The following PDLIM5 variants were observed in gnomAD, a reference collection of about 807,000 sequenced individuals.
PDLIM5 encodes the protein PDZ and LIM domain 5.
Under a neutral mutation model 64.2 loss-of-function variants are expected in PDLIM5, and 34 were observed. That is an observed-to-expected ratio of 0.53 (90% CI 0.40 to 0.71). The LOEUF (loss-of-function observed/expected upper bound fraction) is 0.71, where lower values mean the gene tolerates loss of function less well. Among genes scored for constraint, PDLIM5 ranks in the 30% least tolerant of loss-of-function variants. The pLI, the probability that PDLIM5 is intolerant of heterozygous loss-of-function variation, is 0.00. For missense variants in PDLIM5, 683 were observed against 733.6 expected (o/e 0.93, Z 0.80); for synonymous variants, 253 against 269.1 (o/e 0.94, Z 0.59).
chr4:94,526,734 C>CTT (rs33968218), intron 3 of PDLIM5, among the ~76,000 whole-genome samples: 1,782 of 147,284 alleles, frequency 0.012, 44 homozygotes, highest in South Asian at 0.077. Context: ...GCATTTCTTT[C>CTT]TTTCTTTTTT....
chr4:94,475,705 T>C (rs115656662), intron 2 of PDLIM5, among the ~76,000 whole-genome samples: 2,374 of 152,278 alleles, frequency 0.016, 64 homozygotes, highest in African/African-American at 0.054. Context: ...AATATGAATA[T>C]ACTTAACATT....
chr4:94,649,116 C>T lies in PDLIM5; in HGVS notation c.1284-5344C>T, dbSNP rs568548912. Among the ~76,000 whole-genome samples, 32 of 152,146 alleles carry T rather than the reference C, an allele frequency of 2.1e-4. No individual in the cohort carries two copies. In the East Asian group the frequency reaches 2.9e-3, roughly 14 times the overall value. ...TCAGCCTCCCGAATAGCTAAGACCA[C>T]GGGCACGTGCCACCATGCCCAGCTA... On this transcript the variant is annotated intron_variant, in intron 9 of 12. Coordinates refer to ENST00000317968, the MANE Select transcript of PDLIM5 (RefSeq NM_006457.5).
Position 94,511,415 on chromosome 4 carries a change from C to T in PDLIM5, c.97-12309C>T, listed in dbSNP as rs1309369085. Among the ~76,000 whole-genome samples, 11 of 152,130 alleles carry T rather than the reference C, an allele frequency of 7.2e-5. No individual in the cohort carries two copies. In the South Asian group the frequency reaches 8.3e-4, roughly 12 times the overall value. ...GGCATGCAATGCATAATAATCACAT[C>T]GTGGAGAATCGGGTCTCCATCCCCT... On this transcript the variant is annotated intron_variant, in intron 2 of 12. Transcript: ENST00000317968.
intron 8 of PDLIM5, among the ~76,000 whole-genome samples, chr4:94,636,693 G>A (rs114158841): frequency 4.0e-5 from 6 of 151,726 alleles, no homozygotes; most frequent in African/African-American, 1.2e-4. Context: ...CCCACCACGC[G>A]CAGCTAATTT....
intron 7 of PDLIM5, among the ~76,000 whole-genome samples, chr4:94,606,254 A>G (rs903279880): frequency 6.6e-6 from 1 of 152,228 alleles, no homozygotes; most frequent in Non-Finnish European, 1.5e-5. Flanking sequence ...GGATTTAAAC[A>G]AATAACGACA....
intron 10 of PDLIM5, 116 bp from the exon 11 acceptor site, chr4:94,657,311 A>G: frequency 1.6e-6 from 1 of 629,862 alleles, no homozygotes. Context: ...AAAATGAAGT[A>G]TGTGTGCCTA....
chr4:94,664,461 A>T lies in PDLIM5; in HGVS notation c.*394A>T. Reference sequence around the variant, plus strand: ...CTGCAAAAGGCAATGAAAATGCCTTAAATTTTATCAATAACAGAATTATTG... The same window carrying T: ...CTGCAAAAGGCAATGAAAATGCCTTTAATTTTATCAATAACAGAATTATTG... On this transcript the variant is annotated 3_prime_UTR_variant, in exon 13 of 13. Transcript: ENST00000317968. 1.3e-6 allele frequency: 1 copy of T among 751,466 alleles called. No individual in the cohort carries two copies. The highest frequency in any genetic ancestry group is 1.6e-6 in the Non-Finnish European group (1 of 616,776). The allele number at this position is 751,466 out of a possible 1,614,324, so 46.5% of individuals were successfully genotyped here. A position where few individuals can be genotyped will look rare whatever the true frequency, so the allele number is the denominator to read the frequency against.
intron 2 of PDLIM5, among the ~76,000 whole-genome samples, chr4:94,505,896 G>T (rs1728350801): frequency 6.6e-6 from 1 of 152,100 alleles, no homozygotes; most frequent in Non-Finnish European, 1.5e-5. Context: ...AGTTATGATT[G>T]CTTACGTCAT....
rs975924394 is a variant in PDLIM5 at position 94,523,980 on chromosome 4, C to A, written c.248+105C>A. On this transcript the variant is annotated intron_variant, in intron 3 of 12. Coordinates refer to ENST00000317968, the MANE Select transcript of PDLIM5 (RefSeq NM_006457.5). ...ACTAAGACTCAGTTTCTGCTACCATCATTTCAGGTAAATAAAAAATATAAT... is the reference window on the plus strand; with the variant it reads ...ACTAAGACTCAGTTTCTGCTACCATAATTTCAGGTAAATAAAAAATATAAT... The A allele has an allele frequency of 1.3e-5, 9 of 719,226 alleles. No individual in the cohort carries two copies. In the African/African-American group the frequency reaches 1.4e-4, roughly 11 times the overall value. The allele number at this position is 719,226 out of a possible 1,614,324, so 44.6% of individuals were successfully genotyped here.
chr4:94,567,733 T>C (rs1051765501), intron 3 of PDLIM5, among the ~76,000 whole-genome samples: 2 of 152,232 alleles, frequency 1.3e-5, no homozygotes, highest in Non-Finnish European at 2.9e-5. Flanking sequence ...AAGAGGTTTT[T>C]AGCACTCTTT....
chr4:94,573,487 T>C (rs1734982541), intron 4 of PDLIM5, 94 bp downstream of exon 4: 1 of 1,001,486 alleles, frequency 1.0e-6, no homozygotes, highest in African/African-American at 1.6e-5. Flanking sequence ...CTGACATTCA[T>C]TTAATTTATA....
chr4:94,489,824 C>T (rs1726698565), intron 2 of PDLIM5, among the ~76,000 whole-genome samples: 1 of 151,956 alleles, frequency 6.6e-6, no homozygotes, highest in South Asian at 2.1e-4. Context: ...TCCTGCTTCC[C>T]ATATGTAATC....
chr4:94,659,886 A>G (rs934406390), intron 11 of PDLIM5, among the ~76,000 whole-genome samples: 15 of 139,050 alleles, frequency 1.1e-4, no homozygotes, highest in Non-Finnish European at 1.4e-4. Context: ...GGGTTCCACT[A>G]GAAAAAAATT....
chr4:94,557,130 C>G (rs1476364956), intron 3 of PDLIM5, among the ~76,000 whole-genome samples: 1 of 152,180 alleles, frequency 6.6e-6, no homozygotes. Flanking sequence ...ATATGGCTAG[C>G]CAGTTTTCCC....
In PDLIM5 at chr4:94,629,317, G is replaced by C. The variant is rs146223983; in HGVS notation, c.1109-10959G>C. Among the ~76,000 whole-genome samples the C allele has an allele frequency of 3.9e-3, 590 of 151,446 alleles. 2 individuals carry two copies. The highest frequency in any genetic ancestry group is 0.014 in the African/African-American group (567 of 41,402). ...TGAGCCGAGATCGCGCCACTGCACT[G>C]TGCGAGACTCAGTTTCAAAAAAAAA... On this transcript the variant is annotated intron_variant, in intron 8 of 12. Transcript: ENST00000317968.
At chr4:94,481,754 G>A (rs763784545) in intron 2 of PDLIM5, among the ~76,000 whole-genome samples, 9 of 151,016 alleles carry the variant, frequency 6.0e-5, no homozygotes, top group Non-Finnish European at 1.2e-4. Context: ...GTCTACAGGC[G>A]CCCGCCACCA....
At chr4:94,611,682 T>C (rs1738378240) in intron 7 of PDLIM5, among the ~76,000 whole-genome samples, 2 of 152,310 alleles carry the variant, frequency 1.3e-5, no homozygotes, top group South Asian at 4.1e-4. Context: ...CCAAAATAGA[T>C]TTTTCTCCTA....
chr4:94,452,763 A>G (rs2126067286), intron 1 of PDLIM5, among the ~76,000 whole-genome samples: 1 of 152,246 alleles, frequency 6.6e-6, no homozygotes, highest in East Asian at 1.9e-4. Flanking sequence ...TGATCGCCAG[A>G]TCCTATCCCA....
At chr4:94,522,273 G>A (rs530594133) in intron 2 of PDLIM5, among the ~76,000 whole-genome samples, 2 of 152,266 alleles carry the variant, frequency 1.3e-5, no homozygotes, top group African/African-American at 2.4e-5. Context: ...TAGCTCACTC[G>A]CTTTCAGAAC....
Sources: allele counts gnomAD v4.1 joint callset (sites outside exome capture counted in the v4.1 genomes callset), GRCh38; gene constraint gnomAD v4.1.1; transcripts MANE v1.5; gene names NCBI Gene and HGNC (gene_info 2026-07-23, HGNC 2026-07-21).